The following ZNF341 variants were observed in gnomAD, a reference collection of about 807,000 sequenced individuals.
ZNF341 encodes the protein zinc finger protein 341.
ZNF341 carries 52 observed loss-of-function variants against 87.7 expected under a neutral mutation model. The observed-to-expected ratio is 0.59, with a 90% CI of 0.47 to 0.75. The LOEUF (loss-of-function observed/expected upper bound fraction) is 0.75. ZNF341 is among the 30% of genes least tolerant of loss of function. The pLI is 0.00. For synonymous variants in ZNF341, 459 were observed against 472.7 expected (o/e 0.97, Z 0.38); for missense variants, 977 against 1,145.9 (o/e 0.85, Z 2.13).
intron 1 of ZNF341, among the ~76,000 whole-genome samples, chr20:33,735,090 G>A (rs2018650954): frequency 6.6e-6 from 1 of 152,040 alleles, no homozygotes; most frequent in South Asian, 2.1e-4. Flanking sequence ...GACTGGGGTG[G>A]TGCGATCTTG....
At chr20:33,743,191 C>A (rs1419021053) in intron 2 of ZNF341, among the ~76,000 whole-genome samples, 1 of 151,928 alleles carries the variant, frequency 6.6e-6, no homozygotes, top group Non-Finnish European at 1.5e-5. Context: ...GCCACCACAC[C>A]CGGCTAATTT....
chr20:33,784,013 C>A (rs1319488765), intron 12 of ZNF341, 149 bp downstream of exon 12: 3 of 718,240 alleles, frequency 4.2e-6, no homozygotes, highest in Admixed American at 2.7e-5. Flanking sequence ...TCTCCCTCCC[C>A]ATCTCACTCA....
chr20:33,778,318 T>C (rs2019667952), intron 10 of ZNF341, among the ~76,000 whole-genome samples: 1 of 152,056 alleles, frequency 6.6e-6, no homozygotes, highest in African/African-American at 2.4e-5. Flanking sequence ...TTTCTTTTTT[T>C]ATTTTTTTTG....
intron 1 of ZNF341, among the ~76,000 whole-genome samples, chr20:33,736,127 CAAA>C (rs1354681295): frequency 2.5e-5 from 3 of 118,506 alleles, no homozygotes. Flanking sequence ...GACCCTGTCT[CAAA>C]AAAAAAAAAA....
At position 33,753,400 on chromosome 20, in the gene ZNF341, A is replaced by G; in HGVS notation, c.718A>G (p.Met240Val). 6.2e-7 allele frequency: 1 copy of G among 1,605,664 alleles called. No individual in the cohort carries two copies. Among genetic ancestry groups the G allele is most frequent in the Non-Finnish European group, 8.5e-7 (1 of 1,176,312 alleles). The change falls in exon 5 of 15, where the codon ATG becomes GTG. Residue 240 changes from methionine to valine, a missense_variant. Around this residue, in one of 3 missense-constraint regions of ZNF341, gnomAD observed 515 missense variants for 598.2 expected, o/e 0.86. Coordinates refer to ENST00000375200, the MANE Select transcript of ZNF341 (RefSeq NM_001282933.2). ...SGTVEIQALG[M>V]QPYPPLEVPN... ...AACGGTGGAGATCCAGGCACTGGGGATGCAGCCCTACCCACCCCTAGAGGT... is the reference window on the plus strand; with the variant it reads ...AACGGTGGAGATCCAGGCACTGGGGGTGCAGCCCTACCCACCCCTAGAGGT...
At chr20:33,776,867 C>T (rs1012493296) in intron 10 of ZNF341, among the ~76,000 whole-genome samples, 1 of 151,640 alleles carries the variant, frequency 6.6e-6, no homozygotes, top group Non-Finnish European at 1.5e-5. Flanking sequence ...ACTGTGTTGC[C>T]CAGGCTGGTC....
intron 8 of ZNF341, among the ~76,000 whole-genome samples, chr20:33,762,655 C>T (rs563110532): frequency 5.9e-5 from 9 of 152,064 alleles, no homozygotes; most frequent in African/African-American, 1.4e-4. Context: ...TGCATGCATT[C>T]GGTATTTGTC....
At chr20:33,768,826 C>T (rs1202114983) in intron 9 of ZNF341, among the ~76,000 whole-genome samples, 1 of 152,116 alleles carries the variant, frequency 6.6e-6, no homozygotes, top group African/African-American at 2.4e-5. Flanking sequence ...CCAGGACTTA[C>T]GTACTATTTA....
Position 33,753,255 on chromosome 20 carries a change from G to A in ZNF341, c.573G>A (p.Pro191=), listed in dbSNP as rs778418250. ...PPPPPPPLPP[P]PPPQPPPPPP... is the part of the protein sequence containing the mutation. The stretch of plus-strand genomic sequence containing the variant: ...CACCTCCTCCACCACTGCCCCCACC[G>A]CCACCACCTCAGCCTCCACCACCTC... The change falls in exon 5 of 15, where the codon CCG becomes CCA. Residue 191 remains proline, a synonymous_variant. Coordinates refer to ENST00000375200, the MANE Select transcript of ZNF341 (RefSeq NM_001282933.2). 26 of 1,610,136 alleles carry A rather than the reference G, an allele frequency of 1.6e-5. No individual in the cohort carries two copies. Among genetic ancestry groups the A allele is most frequent in the Admixed American group, 6.7e-5 (4 of 59,704 alleles).
In ZNF341 at chr20:33,768,413, G is replaced by A. The variant is rs866072414; in HGVS notation, c.1413+1372G>A. Among the ~76,000 whole-genome samples the A allele has an allele frequency of 3.4e-5, 5 of 148,582 alleles. No individual in the cohort carries two copies. The East Asian group carries it at 6.0e-4, about 18-fold the overall frequency. On this transcript the variant is annotated intron_variant, in intron 9 of 14. Coordinates refer to ENST00000375200, the MANE Select transcript of ZNF341 (RefSeq NM_001282933.2). Reference sequence around the variant, plus strand: ...GTTGGGATTACAGGTGTGAGCCACCGCGCCCAGCCCGTGTTTTTGTTTTTT... The same window carrying A: ...GTTGGGATTACAGGTGTGAGCCACCACGCCCAGCCCGTGTTTTTGTTTTTT...
rs139184689 is a variant in ZNF341 at position 33,772,080 on chromosome 20, C to T, written c.1622+1788C>T. On this transcript the variant is annotated intron_variant, in intron 10 of 14. Transcript: ENST00000375200. ...TTGGACCTATTGACCTCTGATCATC[C>T]TTGTTGAGTTTCTCTGCCTCAGTTG... Among the ~76,000 whole-genome samples, 5 of 141,298 alleles carry T rather than the reference C, an allele frequency of 3.5e-5. No homozygotes were observed. In the East Asian group the frequency reaches 1.2e-3, roughly 34 times the overall value. The allele number at this position is 141,298 out of a possible 152,430, so 92.7% of individuals were successfully genotyped here. A position where few individuals can be genotyped will look rare whatever the true frequency, so the allele number is the denominator to read the frequency against.
intron 1 of ZNF341, 69 bp from the exon 2 acceptor site, chr20:33,740,833 G>C (rs2018782882): frequency 3.4e-6 from 5 of 1,460,854 alleles, no homozygotes; most frequent in Non-Finnish European, 4.8e-6. Flanking sequence ...CCTGGGTCTG[G>C]CTTGTAAGGG....
intron 10 of ZNF341, among the ~76,000 whole-genome samples, chr20:33,777,053 C>G (rs2019641192): frequency 6.6e-6 from 1 of 151,102 alleles, no homozygotes; most frequent in South Asian, 2.1e-4. Flanking sequence ...GTGGCTCATG[C>G]CTGTAATCCC....
chr20:33,769,033 T>A (rs1213326980), intron 9 of ZNF341, among the ~76,000 whole-genome samples: 5 of 152,172 alleles, frequency 3.3e-5, no homozygotes, highest in Non-Finnish European at 7.3e-5. Context: ...TCAAATTACA[T>A]ACAAATCTGG....
chr20:33,734,798 G>A (rs771380262), intron 1 of ZNF341, among the ~76,000 whole-genome samples: 12 of 151,976 alleles, frequency 7.9e-5, no homozygotes, highest in Non-Finnish European at 1.3e-4. Flanking sequence ...TCCACCTCCT[G>A]GGTTCAAGTG....
At chr20:33,752,659 T>TG in intron 4 of ZNF341, 2 of 245,906 alleles carry the variant, frequency 8.1e-6, no homozygotes, top group Non-Finnish European at 1.6e-5. Context: ...TTTCTTTTTT[T>TG]TTTTTTTTTT....
chr20:33,779,510 G>T (rs904145617), intron 10 of ZNF341, among the ~76,000 whole-genome samples: 1 of 148,286 alleles, frequency 6.7e-6, no homozygotes, highest in African/African-American at 2.5e-5. Flanking sequence ...GAGTGCAGTA[G>T]CGTGATCTCA....
At chr20:33,763,347 C>CTGGA (rs954121542) in intron 8 of ZNF341, among the ~76,000 whole-genome samples, 1 of 152,128 alleles carries the variant, frequency 6.6e-6, no homozygotes, top group African/African-American at 2.4e-5. Flanking sequence ...GCCACCCAAG[C>CTGGA]TGGAGCGCAG....
At chr20:33,738,774 G>A (rs1471721350) in intron 1 of ZNF341, among the ~76,000 whole-genome samples, 4 of 152,172 alleles carry the variant, frequency 2.6e-5, no homozygotes, top group Non-Finnish European at 4.4e-5. Context: ...GCACTCTGGA[G>A]AGACTGATCG....
Sources: gnomAD v4.1 joint callset for allele counts (sites outside exome capture counted in the v4.1 genomes callset) on GRCh38, gnomAD v4.1.1 for gene constraint, gnomAD v4.1.1 regional missense constraint, MANE v1.5 for transcripts, NCBI Gene and HGNC (gene_info 2026-07-23, HGNC 2026-07-21) for gene names.